Variants in ARHGAP35 observed in about 807,000 individuals in gnomAD.
ARHGAP35 encodes the protein Rho GTPase activating protein 35, also known as rho GTPase-activating protein 35.
Under a neutral mutation model 111.1 loss-of-function variants are expected in ARHGAP35, and 15 were observed. The observed-to-expected ratio is 0.13, with a 90% CI of 0.09 to 0.21. The LOEUF is 0.21. ARHGAP35 is among the 10% of genes least tolerant of loss of function. ARHGAP35 has a pLI of 1.00. For synonymous variants in ARHGAP35, 643 were observed against 710.3 expected (o/e 0.91, Z 1.51); for missense variants, 1,262 against 1,873.0 (o/e 0.67, Z 6.02).
In ARHGAP35 at chr19:47,000,486, CCTT is replaced by C. The variant is rs1387779417; in HGVS notation, c.4307_4309del (p.Phe1436del). ...ATTGAACTCTTTATCCAGCAGTGCCCCTTCTTCTTCTACAATCGGCCCATCACC... is the reference window on the plus strand; with the variant it reads ...ATTGAACTCTTTATCCAGCAGTGCCCCTTCTTCTACAATCGGCCCATCACC... On this transcript the variant is annotated inframe_deletion, in exon 7 of 7. Coordinates refer to ENST00000672722, the MANE Select transcript of ARHGAP35 (RefSeq NM_004491.5). This position sits in a 1 kb window ranked among gnomAD's most constrained non-coding sequence, Gnocchi z 6.9. The C allele has an allele frequency of 1.9e-6, 3 of 1,613,856 alleles. No homozygotes were observed. The highest frequency in any genetic ancestry group is 1.7e-5 in the Admixed American group (1 of 60,018).
chr19:46,991,012 C>T (rs568684891), intron 5 of ARHGAP35, among the ~76,000 whole-genome samples: 8 of 152,300 alleles, frequency 5.3e-5, no homozygotes, highest in Admixed American at 1.3e-4. Context: ...GAGCGTGGTA[C>T]TCCTGGGAGG....
chr19:46,912,376 A>G (rs1258333289), intron 1 of ARHGAP35, among the ~76,000 whole-genome samples: 1 of 139,378 alleles, frequency 7.2e-6, no homozygotes, highest in African/African-American at 2.7e-5. Flanking sequence ...TTCTTTTGAG[A>G]CAGAGTCTTG....
chr19:47,002,505 T>G lies in ARHGAP35; in HGVS notation c.*1817T>G, dbSNP rs1008706974. The G allele has an allele frequency of 6.6e-6, 1 of 152,386 alleles. No individual in the cohort carries two copies. Among genetic ancestry groups the G allele is most frequent in the Middle Eastern group, 3.4e-3 (1 of 294 alleles). 9.4% of individuals were successfully genotyped at this position (152,386 alleles called of 1,614,324 possible). On this transcript the variant is annotated 3_prime_UTR_variant, in exon 7 of 7. Coordinates refer to ENST00000672722, the MANE Select transcript of ARHGAP35 (RefSeq NM_004491.5). ...TGTTGGATGATGAATTTTTGTCTCT[T>G]CTGGTGGAGCTGTGCCTGGCCCTGT... is the stretch of plus-strand genomic sequence containing the variant.
intron 1 of ARHGAP35, among the ~76,000 whole-genome samples, chr19:46,910,749 C>T (rs2056133592): frequency 6.6e-6 from 1 of 151,994 alleles, no homozygotes; most frequent in Non-Finnish European, 1.5e-5. Flanking sequence ...ATCACCACAG[C>T]CAGCTAATTT....
chr19:46,929,633 G>A (rs1337741082), intron 2 of ARHGAP35, among the ~76,000 whole-genome samples: 4 of 122,148 alleles, frequency 3.3e-5, no homozygotes, highest in Non-Finnish European at 6.4e-5. Flanking sequence ...AAACATTAAC[G>A]CCGGGCACAG....
At chr19:46,897,693 A>AC (rs2056064621) in intron 1 of ARHGAP35, among the ~76,000 whole-genome samples, 1 of 103,160 alleles carries the variant, frequency 9.7e-6, no homozygotes, top group Non-Finnish European at 2.3e-5. Context: ...TAGATCTTTA[A>AC]CCAAAAAAAA....
At chr19:46,987,696 CAA>C (rs2056658709) in intron 3 of ARHGAP35, among the ~76,000 whole-genome samples, 1 of 152,062 alleles carries the variant, frequency 6.6e-6, no homozygotes. Flanking sequence ...ATGAAAAACT[CAA>C]GAGTATACAT....
chr19:46,919,695 C>T lies in ARHGAP35; in HGVS notation c.1020C>T (p.Tyr340=), dbSNP rs768663656. 6.2e-7 allele frequency: 1 copy of T among 1,614,014 alleles called. No individual in the cohort carries two copies. The highest frequency in any genetic ancestry group is 2.2e-5 in the East Asian group (1 of 44,884). ...HEHIERRRKL[Y]LAALPLAFEA... is the part of the protein sequence containing the mutation. ...ATATCGAGCGTAGGAGAAAGCTGTA[C>T]CTGGCAGCCCTGCCATTAGCTTTTG... Residue 340 remains tyrosine, a synonymous_variant, in exon 2 of 7, where the codon TAC becomes TAT. Coordinates refer to ENST00000672722, the MANE Select transcript of ARHGAP35 (RefSeq NM_004491.5). The surrounding 1 kb of genome is among the most constrained non-coding windows in gnomAD (Gnocchi z 6.2).
intron 1 of ARHGAP35, among the ~76,000 whole-genome samples, chr19:46,883,196 G>A (rs1017557334): frequency 6.6e-6 from 1 of 151,984 alleles, no homozygotes; most frequent in African/African-American, 2.4e-5. Context: ...CGAGGTTCAA[G>A]CGATCCTCCT....
At chr19:46,967,136 T>C (rs1338475122) in intron 3 of ARHGAP35, among the ~76,000 whole-genome samples, 4 of 151,600 alleles carry the variant, frequency 2.6e-5, no homozygotes, top group South Asian at 2.1e-4. Flanking sequence ...CTCAGATCCC[T>C]AGAATTGTAA....
intron 3 of ARHGAP35, among the ~76,000 whole-genome samples, chr19:46,985,263 A>G (rs983864977): frequency 6.6e-6 from 1 of 152,220 alleles, no homozygotes; most frequent in African/African-American, 2.4e-5. Context: ...GCTGGTGAGC[A>G]GGGTCTCGAC....
intron 1 of ARHGAP35, among the ~76,000 whole-genome samples, chr19:46,884,428 C>T (rs1321171329): frequency 1.3e-5 from 2 of 151,964 alleles, no homozygotes; most frequent in Admixed American, 6.6e-5. Flanking sequence ...AGGAAAACTG[C>T]CACAGGCCAG....
At chr19:46,874,162 C>G (rs73057364) in intron 1 of ARHGAP35, among the ~76,000 whole-genome samples, 29,135 of 152,168 alleles carry the variant, frequency 0.19, 3,519 homozygotes, top group Non-Finnish European at 0.28. Flanking sequence ...CAAACTAGTT[C>G]TTTGTAGTTC....
chr19:46,914,999 G>C (rs1412878471), intron 1 of ARHGAP35, among the ~76,000 whole-genome samples: 1 of 152,196 alleles, frequency 6.6e-6, no homozygotes, highest in African/African-American at 2.4e-5. Flanking sequence ...AATTGATAGA[G>C]AAGGACTCTG....
At chr19:46,978,545 T>C (rs538303741) in intron 3 of ARHGAP35, among the ~76,000 whole-genome samples, 1 of 135,606 alleles carries the variant, frequency 7.4e-6, no homozygotes, top group East Asian at 2.4e-4. Context: ...GGGATGTGTG[T>C]GTGTGGTGAG....
In ARHGAP35 at chr19:47,001,345, A is replaced by C; in HGVS notation, c.*657A>C. On this transcript the variant is annotated 3_prime_UTR_variant, in exon 7 of 7. Coordinates refer to ENST00000672722, the MANE Select transcript of ARHGAP35 (RefSeq NM_004491.5). This position sits in a 1 kb window ranked among gnomAD's most constrained non-coding sequence, Gnocchi z 5.4. ...ACCGTCCCACTCCACAGCCTTCCCG[A>C]AACATTCCCTGGCAAACAAAGGAAC... 7.7e-7 allele frequency: 1 copy of C among 1,290,330 alleles called. No homozygotes were observed. The highest frequency in any genetic ancestry group is 1.0e-6 in the Non-Finnish European group (1 of 989,144). 79.9% of individuals were successfully genotyped at this position (1,290,330 alleles called of 1,614,324 possible). A position where few individuals can be genotyped will look rare whatever the true frequency, so the allele number is the denominator to read the frequency against.
chr19:46,895,558 G>A (rs1221756739), intron 1 of ARHGAP35, among the ~76,000 whole-genome samples: 1 of 152,214 alleles, frequency 6.6e-6, no homozygotes, highest in East Asian at 1.9e-4. Flanking sequence ...GCTCAGGCAA[G>A]TAAAATGATA....
At chr19:46,889,898 TGGCTAGAC>T (rs1246015463) in intron 1 of ARHGAP35, among the ~76,000 whole-genome samples, 1 of 152,284 alleles carries the variant, frequency 6.6e-6, no homozygotes, top group Admixed American at 6.5e-5. Context: ...TAGTGAGACA[TGGCTAGAC>T]GTGCAGATTC....
intron 1 of ARHGAP35, among the ~76,000 whole-genome samples, chr19:46,874,735 C>G (rs1378902066): frequency 2.0e-5 from 3 of 150,598 alleles, no homozygotes; most frequent in African/African-American, 7.4e-5. Context: ...GAACTCCTGA[C>G]CTCGTGGTCC....
Sources: allele counts gnomAD v4.1 joint callset (sites outside exome capture counted in the v4.1 genomes callset), GRCh38; gene constraint gnomAD v4.1.1; non-coding constraint Gnocchi (gnomAD v3.1); transcripts MANE v1.5; gene names NCBI Gene and HGNC (gene_info 2026-07-23, HGNC 2026-07-21).